Variants in SLC38A6 observed in about 807,000 individuals in gnomAD.
SLC38A6 encodes solute carrier family 38 member 6.
In SLC38A6, 73 loss-of-function variants were observed where a neutral mutation model predicts 65.0. That is an observed-to-expected ratio of 1.12 (90% confidence interval 0.93 to 1.37). The LOEUF (loss-of-function observed/expected upper bound fraction) is 1.37. Among genes scored for constraint, SLC38A6 ranks in the 40% most tolerant of loss-of-function variants. The pLI is 0.00. For missense variants in SLC38A6, 561 were observed against 531.1 expected (o/e 1.06, Z -0.55); for synonymous variants, 183 against 178.8 (o/e 1.02, Z -0.19).
intron 3 of SLC38A6, among the ~76,000 whole-genome samples, chr14:61,003,826 G>T (rs1377497671): frequency 2.0e-5 from 3 of 152,128 alleles, no homozygotes; most frequent in Non-Finnish European, 4.4e-5. Context: ...TGCAACAAAA[G>T]AAGTCTGATG....
intron 3 of SLC38A6, among the ~76,000 whole-genome samples, chr14:61,003,219 C>CA (rs1454250667): frequency 1.3e-5 from 2 of 151,288 alleles, no homozygotes; most frequent in Admixed American, 6.6e-5. Flanking sequence ...CGTTCCCTGC[C>CA]AAAAAAAGAA....
Position 61,026,102 on chromosome 14 carries a change from A to G in SLC38A6, c.404-4343A>G, listed in dbSNP as rs374869799. ...TAACAAAAAAGATTCTTATCTTCAT[A>G]AACTGTAATGATGTCTTAGGCCCAA... On this transcript the variant is annotated intron_variant, in intron 5 of 15. Transcript: ENST00000267488. 6.6e-5 allele frequency among the ~76,000 whole-genome samples: 10 copies of G among 152,158 alleles called. No homozygotes were observed. The East Asian group carries it at 7.7e-4, about 12-fold the overall frequency.
At chr14:60,984,103 T>C (rs1329646011) in intron 2 of SLC38A6, among the ~76,000 whole-genome samples, 1 of 152,234 alleles carries the variant, frequency 6.6e-6, no homozygotes, top group Non-Finnish European at 1.5e-5. Flanking sequence ...TCTAAGTTTT[T>C]TCTTTCACAC....
intron 2 of SLC38A6, 92 bp downstream of exon 2, chr14:60,982,730 C>T: frequency 1.5e-6 from 2 of 1,361,288 alleles, no homozygotes; most frequent in Non-Finnish European, 2.0e-6. Flanking sequence ...TGCTATTATA[C>T]AATTTCTAGT....
intron 7 of SLC38A6, 129 bp downstream of exon 7, chr14:61,037,270 T>C: frequency 1.5e-6 from 1 of 674,366 alleles, no homozygotes; most frequent in Non-Finnish European, 2.5e-6. Context: ...GGTGGTTGTG[T>C]ATAATTTTAA....
intron 15 of SLC38A6, among the ~76,000 whole-genome samples, chr14:61,062,969 A>G (rs1459937948): frequency 6.6e-6 from 1 of 152,164 alleles, no homozygotes; most frequent in Admixed American, 6.5e-5. Flanking sequence ...ATGAGCTACC[A>G]TGCCCAGCCA....
At chr14:60,982,275 T>A (rs1414233537) in intron 1 of SLC38A6, 1 of 566,668 alleles carries the variant, frequency 1.8e-6, no homozygotes, top group Admixed American at 2.2e-5. Context: ...ACTCTGCCTG[T>A]CTTGTGTACT....
intron 3 of SLC38A6, among the ~76,000 whole-genome samples, chr14:61,013,297 C>T (rs1447406744): frequency 2.0e-5 from 3 of 152,130 alleles, no homozygotes; most frequent in Non-Finnish European, 4.4e-5. Flanking sequence ...TGAGATGGGT[C>T]TGCTGAATAC....
chr14:61,034,635 G>A (rs1478450404), intron 6 of SLC38A6, among the ~76,000 whole-genome samples: 1 of 152,052 alleles, frequency 6.6e-6, no homozygotes, highest in East Asian at 1.9e-4. Flanking sequence ...AAGATCTTTT[G>A]AAGTTTCTGT....
At chr14:61,012,927 C>A (rs1002661950) in intron 3 of SLC38A6, among the ~76,000 whole-genome samples, 10 of 152,240 alleles carry the variant, frequency 6.6e-5, no homozygotes, top group African/African-American at 2.2e-4. Context: ...GAGTTCAATT[C>A]CTGGAGATCC....
chr14:61,035,424 G>C (rs2041288366), intron 6 of SLC38A6, among the ~76,000 whole-genome samples: 1 of 151,964 alleles, frequency 6.6e-6, no homozygotes, highest in African/African-American at 2.4e-5. Context: ...TGAGTATGCT[G>C]TTCTAAATAT....
intron 3 of SLC38A6, among the ~76,000 whole-genome samples, chr14:60,988,423 C>T (rs1450596025): frequency 6.6e-6 from 1 of 152,110 alleles, no homozygotes; most frequent in Admixed American, 6.5e-5. Flanking sequence ...CAGTATTACC[C>T]CTGTTATAAT....
chr14:61,038,824 A>C (rs2041582608), intron 8 of SLC38A6, among the ~76,000 whole-genome samples: 1 of 152,238 alleles, frequency 6.6e-6, no homozygotes, highest in Admixed American at 6.5e-5. Context: ...AACAACATTA[A>C]AATCATTCCT....
intron 3 of SLC38A6, among the ~76,000 whole-genome samples, chr14:61,015,699 A>G (rs2139539492): frequency 6.6e-6 from 1 of 152,316 alleles, no homozygotes. Context: ...TACATAAAAC[A>G]GCTGATTAAA....
chr14:61,067,730 CAT>C (rs1313986723), intron 15 of SLC38A6, among the ~76,000 whole-genome samples: 1 of 151,930 alleles, frequency 6.6e-6, no homozygotes, highest in Non-Finnish European at 1.5e-5. Context: ...TATATATACA[CAT>C]ATGTATAGGT....
At chr14:61,045,301 G>A (rs1193398131) in intron 10 of SLC38A6, 45 bp from the exon 11 acceptor site, 1 of 1,219,648 alleles carries the variant, frequency 8.2e-7, no homozygotes, top group South Asian at 1.2e-5. Context: ...AATGGTTTCA[G>A]TAGAGTGGCA....
At chr14:61,043,632 G>C (rs982692867) in intron 10 of SLC38A6, 129 bp downstream of exon 10, 1 of 503,928 alleles carries the variant, frequency 2.0e-6, no homozygotes, top group African/African-American at 2.0e-5. Context: ...GCTAAGTATA[G>C]GATTGCCTAC....
chr14:61,014,148 T>C (rs2039809104), intron 3 of SLC38A6, among the ~76,000 whole-genome samples: 1 of 152,254 alleles, frequency 6.6e-6, no homozygotes, highest in African/African-American at 2.4e-5. Context: ...CTTTCATCAC[T>C]GATAGCCTTT....
intron 6 of SLC38A6, 141 bp from the exon 7 acceptor site, chr14:61,036,918 G>A: frequency 2.1e-6 from 1 of 486,510 alleles, no homozygotes; most frequent in South Asian, 3.5e-5. Context: ...TTAATGAAAG[G>A]AAGTAGGCTT....
Sources: gnomAD v4.1 joint callset for allele counts (sites outside exome capture counted in the v4.1 genomes callset) on GRCh38, gnomAD v4.1.1 for gene constraint, MANE v1.5 for transcripts, NCBI Gene and HGNC (gene_info 2026-07-23, HGNC 2026-07-21) for gene names.